Variants in ZNF704 observed in about 807,000 individuals in gnomAD.
The protein encoded by ZNF704 is glucocorticoid induced gene 1.
ZNF704 carries 10 observed loss-of-function variants against 44.7 expected under a neutral mutation model. The ratio of observed to expected loss-of-function variants is 0.22; its 90% confidence interval spans 0.14 to 0.38. The LOEUF (loss-of-function observed/expected upper bound fraction) is 0.38. Ranked by LOEUF, ZNF704 falls within the 10% of genes least tolerant of loss-of-function variation. The pLI is 1.00. For synonymous variants in ZNF704, 211 were observed against 207.6 expected, an observed-to-expected ratio of 1.02 and a Z score of -0.14; for missense variants, 390 against 545.5, an observed-to-expected ratio of 0.71 and a Z score of 2.84.
chr8:80,832,445 A>T (rs1808486551), intron 1 of ZNF704, among the ~76,000 whole-genome samples: 1 of 152,172 alleles, frequency 6.6e-6, no homozygotes, highest in Non-Finnish European at 1.5e-5. Flanking sequence ...CCTACACTCA[A>T]GTACACTCTG....
chr8:80,823,718 G>T (rs189936367), intron 1 of ZNF704, among the ~76,000 whole-genome samples: 1 of 152,112 alleles, frequency 6.6e-6, no homozygotes, highest in South Asian at 2.1e-4. Context: ...CCTCTGAGAC[G>T]AAGCTTCCAG....
chr8:80,773,459 A>G (rs1272805894), intron 2 of ZNF704, among the ~76,000 whole-genome samples: 1 of 152,216 alleles, frequency 6.6e-6, no homozygotes, highest in African/African-American at 2.4e-5. Context: ...TTAGAATTAC[A>G]TCAGACATTA....
At chr8:80,757,656 G>A (rs1221940087) in intron 2 of ZNF704, among the ~76,000 whole-genome samples, 4 of 151,964 alleles carry the variant, frequency 2.6e-5, no homozygotes, top group South Asian at 4.1e-4. Context: ...CACAGCCCCC[G>A]GTCCTGCAAG....
chr8:80,834,623 T>C (rs952497693), intron 1 of ZNF704, among the ~76,000 whole-genome samples: 1 of 152,196 alleles, frequency 6.6e-6, no homozygotes, highest in African/African-American at 2.4e-5. Context: ...TATCCGCCCG[T>C]CATCTAGGTT....
intron 2 of ZNF704, among the ~76,000 whole-genome samples, chr8:80,795,043 C>T (rs954447747): frequency 2.6e-5 from 4 of 152,080 alleles, no homozygotes; most frequent in African/African-American, 4.8e-5. Context: ...ATGAGATGAG[C>T]GACAGATTTT....
At chr8:80,642,662 CT>C in intron 8 of ZNF704, among the ~76,000 whole-genome samples, 1 of 152,196 alleles carries the variant, frequency 6.6e-6, no homozygotes, top group African/African-American at 2.4e-5. Context: ...TAAAAGGGGA[CT>C]ATTGTATTTT....
intron 1 of ZNF704, among the ~76,000 whole-genome samples, chr8:80,854,793 T>C (rs542712156): frequency 7.2e-5 from 11 of 152,370 alleles, no homozygotes; most frequent in African/African-American, 2.2e-4. Flanking sequence ...ATATGCATTC[T>C]GTACTTTCAC....
At chr8:80,683,525 T>C (rs1818487267) in intron 4 of ZNF704, among the ~76,000 whole-genome samples, 1 of 152,200 alleles carries the variant, frequency 6.6e-6, no homozygotes, top group Admixed American at 6.5e-5. Flanking sequence ...CTGAAGGAAA[T>C]ATGGATTCAC....
At chr8:80,755,874 G>A (rs1461662817) in intron 2 of ZNF704, among the ~76,000 whole-genome samples, 2 of 152,096 alleles carry the variant, frequency 1.3e-5, no homozygotes, top group Admixed American at 6.6e-5. Context: ...GGGAGGCCAC[G>A]GAGGGAGGAT....
chr8:80,823,187 C>T (rs925775450), intron 1 of ZNF704, among the ~76,000 whole-genome samples: 7 of 152,318 alleles, frequency 4.6e-5, no homozygotes, highest in African/African-American at 1.7e-4. Context: ...GAAGCCGTGA[C>T]AGATGGTACC....
intron 4 of ZNF704, among the ~76,000 whole-genome samples, chr8:80,684,238 C>A (rs1199118719): frequency 6.6e-6 from 1 of 152,124 alleles, no homozygotes; most frequent in East Asian, 1.9e-4. Context: ...CTCTTTATAA[C>A]AAAGAACAGA....
At chr8:80,720,593 C>CT (rs1563530600) in intron 2 of ZNF704, among the ~76,000 whole-genome samples, 2 of 152,138 alleles carry the variant, frequency 1.3e-5, no homozygotes, top group East Asian at 3.9e-4. Context: ...GCCCATGGCC[C>CT]TTTTTTTGTT....
At chr8:80,829,978 T>C (rs113543212) in intron 1 of ZNF704, among the ~76,000 whole-genome samples, 8,879 of 152,308 alleles carry the variant, frequency 0.058, 285 homozygotes, top group Middle Eastern at 0.13. Flanking sequence ...ATGGCAGATG[T>C]AGATACTCAT....
chr8:80,792,371 TAAG>T (rs978551692), intron 2 of ZNF704, among the ~76,000 whole-genome samples: 2 of 152,164 alleles, frequency 1.3e-5, no homozygotes, highest in African/African-American at 4.8e-5. Flanking sequence ...TGGAAATATG[TAAG>T]AATATACACA....
At chr8:80,719,023 G>A (rs1819120431) in intron 2 of ZNF704, among the ~76,000 whole-genome samples, 1 of 151,864 alleles carries the variant, frequency 6.6e-6, no homozygotes. Context: ...GGAGTGCAGT[G>A]GCATGATCAT....
At chr8:80,813,576 T>C (rs2129848693) in intron 2 of ZNF704, among the ~76,000 whole-genome samples, 1 of 152,232 alleles carries the variant, frequency 6.6e-6, no homozygotes, top group South Asian at 2.1e-4. Flanking sequence ...TTGCCTAAGC[T>C]ATAATTAAGA....
intron 2 of ZNF704, chr8:80,812,493 G>A (rs942886662): frequency 3.3e-5 from 5 of 152,928 alleles, no homozygotes; most frequent in African/African-American, 1.2e-4. Flanking sequence ...GAAGTTGATG[G>A]GAGCATCTGG....
chr8:80,822,271 C>G (rs866520744), intron 1 of ZNF704, among the ~76,000 whole-genome samples: 44 of 145,832 alleles, frequency 3.0e-4, no homozygotes, highest in Non-Finnish European at 5.1e-4. Flanking sequence ...CCCTTCCCCC[C>G]CGCCCCCAAC....
rs139770536 is a variant in ZNF704 at position 80,643,057 on chromosome 8, G to C, written c.1105C>G (p.Pro369Ala). The part of the protein sequence containing the change: ...QHAHTVLSSP[P>A]RGTVSLRKPR... ...TACCTTAAGCTGACTGTGCCTCTGG[G>C]TGGGGAGGACAGGACCGTGTGCGCA... Residue 369 changes from proline to alanine, a missense_variant, in exon 8 of 9, where the codon CCC (proline) becomes GCC (alanine). By Grantham distance (27) the Pro-to-Ala change is conservative. Transcript: ENST00000327835. The C allele has an allele frequency of 1.3e-6, 2 of 1,594,270 alleles. No homozygotes were observed. The highest frequency in any genetic ancestry group is 1.7e-6 in the Non-Finnish European group (2 of 1,169,798).
Sources: allele counts gnomAD v4.1 joint callset (sites outside exome capture counted in the v4.1 genomes callset), GRCh38; gene constraint gnomAD v4.1.1; transcripts MANE v1.5; gene names NCBI Gene and HGNC (gene_info 2026-07-23, HGNC 2026-07-21).